STK32C: variants seen among roughly 807,000 people sequenced by gnomAD.
STK32C encodes serine/threonine-protein kinase 32C.
Under a neutral mutation model 56.5 loss-of-function variants are expected in STK32C, and 31 were observed. The observed-to-expected ratio is 0.55, with a 90% CI of 0.41 to 0.74. STK32C has a LOEUF of 0.74. Ranked by LOEUF, STK32C falls within the 30% of genes least tolerant of loss-of-function variation. The pLI, the probability that STK32C is intolerant of heterozygous loss-of-function variation, is 0.00. For synonymous variants in STK32C, 309 were observed against 289.4 expected, an observed-to-expected ratio of 1.07 and a Z score of -0.69; for missense variants, 544 against 676.9, an observed-to-expected ratio of 0.80 and a Z score of 2.18.
chr10:132,304,672 G>T (rs1333099944), intron 1 of STK32C, among the ~76,000 whole-genome samples: 1 of 152,232 alleles, frequency 6.6e-6, no homozygotes, highest in Non-Finnish European at 1.5e-5. Context: ...ATAAAGTATA[G>T]AATGTTTTTA....
rs369295601 is a variant in STK32C, at chr10:132,269,265, G to A, written c.263-23310C>T. Among the ~76,000 whole-genome samples, 11 of 152,318 alleles carry A rather than the reference G, an allele frequency of 7.2e-5. No homozygotes were observed. The South Asian group carries it at 2.1e-3, about 29-fold the overall frequency. ...TGTCTCCGTGCATGTGTGTGCACAC[G>A]GTGGTATGCACAGGGTGCTGCACAG... is the stretch of plus-strand genomic sequence containing the variant. On this transcript the variant is annotated intron_variant, in intron 1 of 11. Transcript: ENST00000298630.
At chr10:132,245,994 G>C in intron 1 of STK32C, 39 bp from the exon 2 acceptor site, 1 of 1,599,102 alleles carries the variant, frequency 6.3e-7, no homozygotes, top group Non-Finnish European at 8.6e-7. Context: ...TGAGGTGGCA[G>C]CAAGGCCCCA....
At chr10:132,261,697 A>G (rs903982640) in intron 1 of STK32C, among the ~76,000 whole-genome samples, 2 of 152,186 alleles carry the variant, frequency 1.3e-5, no homozygotes, top group African/African-American at 4.8e-5. Flanking sequence ...CCCGGCAGGC[A>G]GAGGTTGCAG....
chr10:132,221,824 G>A (rs2062674167), intron 10 of STK32C, among the ~76,000 whole-genome samples: 1 of 117,840 alleles, frequency 8.5e-6, no homozygotes, highest in Non-Finnish European at 1.7e-5. Flanking sequence ...ACTCACAACT[G>A]ACATCAACGC....
At chr10:132,289,331 G>T (rs1319215999) in intron 1 of STK32C, among the ~76,000 whole-genome samples, 1 of 152,188 alleles carries the variant, frequency 6.6e-6, no homozygotes, top group Admixed American at 6.5e-5. Flanking sequence ...AGGAGACACA[G>T]ACTACTCATC....
chr10:132,306,094 G>C (rs1178084247), intron 1 of STK32C, among the ~76,000 whole-genome samples: 1 of 152,134 alleles, frequency 6.6e-6, no homozygotes, highest in African/African-American at 2.4e-5. Context: ...ATAACACACT[G>C]TGAACACACA....
intron 1 of STK32C, among the ~76,000 whole-genome samples, chr10:132,260,867 A>G (rs543103313): frequency 1.3e-5 from 2 of 152,326 alleles, no homozygotes; most frequent in Admixed American, 1.3e-4. Context: ...GCCCAGCAGG[A>G]GCACAGGGGA....
intron 1 of STK32C, among the ~76,000 whole-genome samples, chr10:132,259,673 T>C (rs541347482): frequency 5.3e-4 from 80 of 152,230 alleles, no homozygotes; most frequent in Non-Finnish European, 1.1e-3. Flanking sequence ...CAGCCAGGCT[T>C]CCTGTACAGC....
Position 132,247,442 on chromosome 10 carries a change from G to A in STK32C, c.263-1487C>T, listed in dbSNP as rs181151928. 6.2e-3 allele frequency among the ~76,000 whole-genome samples: 940 copies of A among 152,312 alleles called. 6 individuals carry two copies. The highest frequency in any genetic ancestry group is 9.5e-3 in the Non-Finnish European group (649 of 68,016). ...AATTCTTTCAGCCTGAGCTACGGGT[G>A]CCGTGACAAGGACCCACGGAGGCTT... is the stretch of plus-strand genomic sequence containing the variant. On this transcript the variant is annotated intron_variant, in intron 1 of 11. Coordinates refer to ENST00000298630, the MANE Select transcript of STK32C (RefSeq NM_173575.4).
chr10:132,239,273 C>G (rs571953873), intron 2 of STK32C, among the ~76,000 whole-genome samples: 37 of 152,274 alleles, frequency 2.4e-4, no homozygotes, highest in Admixed American at 4.6e-4. Flanking sequence ...TTCCTTTGGT[C>G]CCCACAGGAG....
intron 1 of STK32C, among the ~76,000 whole-genome samples, chr10:132,314,198 C>T (rs1257792079): frequency 6.6e-6 from 1 of 152,192 alleles, no homozygotes; most frequent in African/African-American, 2.4e-5. Flanking sequence ...GACAATTCAT[C>T]GCTCATAGCA....
chr10:132,284,150 C>T (rs531122138), intron 1 of STK32C, among the ~76,000 whole-genome samples: 30 of 151,888 alleles, frequency 2.0e-4, no homozygotes, highest in Non-Finnish European at 3.5e-4. Flanking sequence ...GAAGAGCAGA[C>T]GCCGACCACA....
chr10:132,225,932 G>C, intron 4 of STK32C, 148 bp from the exon 5 acceptor site: 4 of 1,035,346 alleles, frequency 3.9e-6, no homozygotes, highest in Non-Finnish European at 4.4e-6. Flanking sequence ...CTTGGATGAT[G>C]CTAGGACCTC....
chr10:132,314,334 G>C (rs2066276055), intron 1 of STK32C, among the ~76,000 whole-genome samples: 1 of 152,184 alleles, frequency 6.6e-6, no homozygotes, highest in African/African-American at 2.4e-5. Flanking sequence ...TACAGCTCAG[G>C]TTTGACTGTG....
At position 132,251,736 on chromosome 10, in the gene STK32C, C is replaced by T. The variant is rs535043218; in HGVS notation, c.263-5781G>A. Among the ~76,000 whole-genome samples, 1,077 of 129,506 alleles carry T rather than the reference C, an allele frequency of 8.3e-3. 1 individual carries two copies. Among genetic ancestry groups the T allele is most frequent in the African/African-American group, 0.02 (629 of 31,662 alleles). 85.0% of individuals were successfully genotyped at this position (129,506 alleles called of 152,430 possible). A position where few individuals can be genotyped will look rare whatever the true frequency, so the allele number is the denominator to read the frequency against. ...CCACTACCCACCACAGGCAGGTCAA[C>T]ACCCTACACCTCCTGGGGCCTCCGA... On this transcript the variant is annotated intron_variant, in intron 1 of 11. Transcript: ENST00000298630.
chr10:132,278,122 A>T (rs537675985), intron 1 of STK32C, among the ~76,000 whole-genome samples: 1 of 151,906 alleles, frequency 6.6e-6, no homozygotes, highest in Non-Finnish European at 1.5e-5. Context: ...CTCTCTGCAG[A>T]CTCTGCCCTC....
At position 132,230,856 on chromosome 10, in the gene STK32C, C is replaced by G. The variant is rs896845503; in HGVS notation, c.319-2728G>C. On this transcript the variant is annotated intron_variant, in intron 2 of 11. Transcript: ENST00000298630. ...AGGCTCCCTCTGCCCCTCCTGCTCA[C>G]GATGCAGCTCAGCTCTTACGGGGGA... Among the ~76,000 whole-genome samples the G allele has an allele frequency of 3.9e-5, 6 of 152,234 alleles. No individual in the cohort carries two copies. The East Asian group carries it at 7.7e-4, about 20-fold the overall frequency.
At chr10:132,223,372 C>G (rs1016020567) in intron 8 of STK32C, among the ~76,000 whole-genome samples, 2 of 152,208 alleles carry the variant, frequency 1.3e-5, no homozygotes, top group African/African-American at 4.8e-5. Context: ...TTCACCGAAT[C>G]ATGGGACCTC....
At chr10:132,274,244 G>A (rs1473886756) in intron 1 of STK32C, among the ~76,000 whole-genome samples, 1 of 152,178 alleles carries the variant, frequency 6.6e-6, no homozygotes, top group Non-Finnish European at 1.5e-5. Context: ...AGGGCCTGGG[G>A]AGCAGCCAAC....
Sources: allele counts gnomAD v4.1 joint callset (sites outside exome capture counted in the v4.1 genomes callset), GRCh38; gene constraint gnomAD v4.1.1; transcripts MANE v1.5; gene names NCBI Gene and HGNC (gene_info 2026-07-23, HGNC 2026-07-21).